TRAF3: variants seen among roughly 807,000 people sequenced by gnomAD.
The protein encoded by TRAF3 is TNF receptor associated factor 3, also known as TNF receptor-associated factor 3.
TRAF3 carries 13 observed loss-of-function variants against 62.3 expected under a neutral mutation model. The ratio of observed to expected loss-of-function variants is 0.21; its 90% CI spans 0.14 to 0.33. The LOEUF (loss-of-function observed/expected upper bound fraction) is 0.33, where lower values mean the gene tolerates loss of function less well. Among genes scored for constraint, TRAF3 ranks in the 10% least tolerant of loss-of-function variants. The pLI is 1.00. For missense variants in TRAF3, 440 were observed against 741.8 expected (o/e 0.59, Z 4.73); for synonymous variants, 269 against 283.4 (o/e 0.95, Z 0.51).
intron 1 of TRAF3, chr14:102,810,644 C>G (rs180707330): frequency 1.3e-5 from 2 of 152,224 alleles, no homozygotes; most frequent in Admixed American, 1.3e-4. Context: ...ATGATGTGGG[C>G]TTATGATTGT....
At chr14:102,812,306 C>T (rs1899236362) in intron 1 of TRAF3, among the ~76,000 whole-genome samples, 1 of 152,142 alleles carries the variant, frequency 6.6e-6, no homozygotes, top group South Asian at 2.1e-4. Flanking sequence ...TCCTCCACTT[C>T]TATCCATGTT....
Position 102,869,975 on chromosome 14 carries a change from A to G in TRAF3, c.-17-210A>G, listed in dbSNP as rs538258155. ...TTTAGGAAGTTTTTTGAATAATAAT[A>G]TCAATAGTTACTATGTGTTTGGGTA... is the stretch of plus-strand genomic sequence containing the variant. On this transcript the variant is annotated intron_variant, in intron 2 of 11. Transcript: ENST00000392745. Among the ~76,000 whole-genome samples, 3 of 152,102 alleles carry G rather than the reference A, an allele frequency of 2.0e-5. No individual in the cohort carries two copies. The South Asian group carries it at 6.2e-4, about 32-fold the overall frequency.
At chr14:102,850,204 T>C (rs1214677244) in intron 2 of TRAF3, among the ~76,000 whole-genome samples, 1 of 152,190 alleles carries the variant, frequency 6.6e-6, no homozygotes, top group East Asian at 1.9e-4. Context: ...GGTATGGATA[T>C]GCCTCAGCTG....
intron 1 of TRAF3, among the ~76,000 whole-genome samples, chr14:102,805,600 G>A (rs1898720374): frequency 6.6e-6 from 1 of 152,194 alleles, no homozygotes; most frequent in Non-Finnish European, 1.5e-5. Context: ...GAGCAGTGAG[G>A]CACCAGGGAG....
chr14:102,803,219 G>A (rs1185334961), intron 1 of TRAF3, among the ~76,000 whole-genome samples: 1 of 152,202 alleles, frequency 6.6e-6, no homozygotes, highest in Non-Finnish European at 1.5e-5. Context: ...TTTTTATAGA[G>A]GGAGTGGGAT....
chr14:102,810,632 T>C (rs1899062695), intron 1 of TRAF3: 1 of 152,212 alleles, frequency 6.6e-6, no homozygotes, highest in Non-Finnish European at 1.5e-5. Context: ...CTTGAGCTTA[T>C]CATGATGTGG....
Position 102,828,776 on chromosome 14 carries a change from A to G in TRAF3, c.-156-1558A>G, listed in dbSNP as rs945487814. Among the ~76,000 whole-genome samples, 11 of 152,370 alleles carry G rather than the reference A, an allele frequency of 7.2e-5. 1 individual carries two copies. In the South Asian group the frequency reaches 8.3e-4, roughly 11 times the overall value. On this transcript the variant is annotated intron_variant, in intron 1 of 11. Transcript: ENST00000392745. ...CTTATTTAGTCTTGACAAATGCCCTATATAAGTGAATTATTGAAGATGTTC... is the reference window on the plus strand; with the variant it reads ...CTTATTTAGTCTTGACAAATGCCCTGTATAAGTGAATTATTGAAGATGTTC...
chr14:102,809,407 G>A (rs1323205274), intron 1 of TRAF3, among the ~76,000 whole-genome samples: 1 of 152,182 alleles, frequency 6.6e-6, no homozygotes, highest in Non-Finnish European at 1.5e-5. Context: ...TGAGATTACA[G>A]GCGTGAGCCA....
intron 2 of TRAF3, among the ~76,000 whole-genome samples, chr14:102,831,201 T>C (rs946808039): frequency 9.9e-5 from 15 of 152,184 alleles, no homozygotes; most frequent in African/African-American, 3.6e-4. Flanking sequence ...CCAATGGTGC[T>C]ATGTGACTGC....
At chr14:102,882,122 C>T (rs534720732) in intron 6 of TRAF3, among the ~76,000 whole-genome samples, 38 of 152,284 alleles carry the variant, frequency 2.5e-4, no homozygotes, top group African/African-American at 8.9e-4. Context: ...GGACCAGTTA[C>T]AATAGCTTAG....
intron 8 of TRAF3, among the ~76,000 whole-genome samples, chr14:102,890,210 C>G (rs1451000558): frequency 6.6e-6 from 1 of 152,172 alleles, no homozygotes; most frequent in African/African-American, 2.4e-5. Context: ...AAATCTGCAT[C>G]TGGTGTTTTG....
intron 2 of TRAF3, among the ~76,000 whole-genome samples, chr14:102,831,511 A>G (rs1900683037): frequency 1.3e-5 from 2 of 152,198 alleles, no homozygotes; most frequent in African/African-American, 4.8e-5. Context: ...TTGCAGATAG[A>G]GCGTGGAGTG....
intron 6 of TRAF3, among the ~76,000 whole-genome samples, chr14:102,882,587 TGAACA>T (rs1889132304): frequency 6.6e-6 from 1 of 151,940 alleles, no homozygotes. Context: ...TTTTTCAATT[TGAACA>T]CCCTTATTCT....
chr14:102,842,393 GAA>G (rs1886429204), intron 2 of TRAF3, among the ~76,000 whole-genome samples: 1 of 151,338 alleles, frequency 6.6e-6, no homozygotes, highest in Admixed American at 6.6e-5. Flanking sequence ...TACGACAGAA[GAA>G]AAGAGTTCAT....
At chr14:102,823,540 T>C (rs1027580780) in intron 1 of TRAF3, among the ~76,000 whole-genome samples, 2 of 152,220 alleles carry the variant, frequency 1.3e-5, no homozygotes, top group African/African-American at 4.8e-5. Context: ...GAATTATGAA[T>C]TGTTTTGACT....
Position 102,823,444 on chromosome 14 carries a change from CTT to C in TRAF3, c.-156-6889_-156-6888del, listed in dbSNP as rs1033649571. ...GTGCTACATTTGCACAAATATGTGACTTATATTTTATATTAAAATTAAGATCA... is the reference window on the plus strand; with the variant it reads ...GTGCTACATTTGCACAAATATGTGACATATTTTATATTAAAATTAAGATCA... On this transcript the variant is annotated intron_variant, in intron 1 of 11. Coordinates refer to ENST00000392745, the MANE Select transcript of TRAF3 (RefSeq NM_145725.3). 5.9e-5 allele frequency among the ~76,000 whole-genome samples: 9 copies of C among 152,208 alleles called. No homozygotes were observed. In the South Asian group the frequency reaches 8.3e-4, roughly 14 times the overall value.
At chr14:102,823,248 A>T (rs974245815) in intron 1 of TRAF3, among the ~76,000 whole-genome samples, 1 of 152,128 alleles carries the variant, frequency 6.6e-6, no homozygotes, top group African/African-American at 2.4e-5. Context: ...TCTTGTGAGC[A>T]TTATGTTGAG....
rs1247460679 is a variant in TRAF3, at chr14:102,906,887, G to A, written c.*1103G>A. The A allele has an allele frequency of 6.6e-6, 1 of 152,216 alleles. No homozygotes were observed. Among genetic ancestry groups the A allele is most frequent in the African/African-American group, 2.4e-5 (1 of 41,444 alleles). 9.4% of individuals were successfully genotyped at this position (152,216 alleles called of 1,614,324 possible). On this transcript the variant is annotated 3_prime_UTR_variant, in exon 12 of 12. Transcript: ENST00000392745. Reference sequence around the variant, plus strand: ...AAGCAACGTTGTGCGTAGAGCTGGTGGCATACGGCCCACGTGCCTTAGATG... The same window carrying A: ...AAGCAACGTTGTGCGTAGAGCTGGTAGCATACGGCCCACGTGCCTTAGATG...
At chr14:102,875,993 G>A (rs554779337) in intron 5 of TRAF3, among the ~76,000 whole-genome samples, 45 of 152,224 alleles carry the variant, frequency 3.0e-4, no homozygotes, top group African/African-American at 1.1e-3. Flanking sequence ...TTTAATTTTG[G>A]AAGGCCCATT....
Sources: allele counts gnomAD v4.1 joint callset (sites outside exome capture counted in the v4.1 genomes callset), GRCh38; gene constraint gnomAD v4.1.1; transcripts MANE v1.5; gene names NCBI Gene and HGNC (gene_info 2026-07-23, HGNC 2026-07-21).